The following CDC123 variants were observed in gnomAD, a reference collection of about 807,000 sequenced individuals.
The protein encoded by CDC123 is cell division cycle 123, also known as translation initiation factor eIF2 assembly protein.
In CDC123, 37 loss-of-function variants were observed where a neutral mutation model predicts 54.4. That is an observed-to-expected ratio of 0.68 (90% confidence interval 0.52 to 0.89). CDC123 has a LOEUF of 0.89. Among genes scored for constraint, CDC123 ranks in the 40% least tolerant of loss-of-function variants. The pLI is 0.00. For synonymous variants in CDC123, 144 were observed against 136.8 expected (o/e 1.05, Z -0.37); for missense variants, 361 against 412.1 (o/e 0.88, Z 1.07).
rs142524525 is a variant in CDC123, at chr10:12,198,322, A to G, written c.75-383A>G. 2.5e-3 allele frequency among the ~76,000 whole-genome samples: 385 copies of G among 152,324 alleles called. 2 individuals are homozygous for G. Among genetic ancestry groups the G allele is most frequent in the African/African-American group, 9.0e-3 (376 of 41,568 alleles). On this transcript the variant is annotated intron_variant, in intron 1 of 12. Coordinates refer to ENST00000281141, the MANE Select transcript of CDC123 (RefSeq NM_006023.3). ...TGCCCTCTATCTTTAGAAGGTGACC[A>G]AATGCTAGTCATCTTCTAGTTGGGT...
chr10:12,223,682 T>G (rs1835766770), intron 6 of CDC123, among the ~76,000 whole-genome samples: 1 of 152,220 alleles, frequency 6.6e-6, no homozygotes, highest in Non-Finnish European at 1.5e-5. Context: ...GCCATTTGGC[T>G]GGCAGAAAAG....
At chr10:12,229,518 C>G (rs1835870869) in intron 6 of CDC123, among the ~76,000 whole-genome samples, 1 of 152,212 alleles carries the variant, frequency 6.6e-6, no homozygotes, top group Admixed American at 6.5e-5. Flanking sequence ...TAGCACGTTT[C>G]TCCGTGCTTT....
At chr10:12,241,121 G>C (rs1326849785) in intron 10 of CDC123, among the ~76,000 whole-genome samples, 1 of 151,942 alleles carries the variant, frequency 6.6e-6, no homozygotes, top group Non-Finnish European at 1.5e-5. Context: ...GGGTTTCGTA[G>C]AGAAATGATG....
intron 5 of CDC123, among the ~76,000 whole-genome samples, chr10:12,216,174 A>G (rs1045096304): frequency 6.6e-6 from 1 of 152,242 alleles, no homozygotes; most frequent in African/African-American, 2.4e-5. Context: ...ATAAAAATAA[A>G]AAAAGTAATA....
At chr10:12,218,846 C>T (rs1452237655) in intron 6 of CDC123, among the ~76,000 whole-genome samples, 2 of 152,226 alleles carry the variant, frequency 1.3e-5, no homozygotes, top group African/African-American at 4.8e-5. Context: ...GGACGGAATA[C>T]CTGCCCTGCT....
At chr10:12,229,742 C>T (rs1406251181) in intron 6 of CDC123, among the ~76,000 whole-genome samples, 2 of 152,212 alleles carry the variant, frequency 1.3e-5, no homozygotes, top group African/African-American at 2.4e-5. Flanking sequence ...CATAGATGGG[C>T]ATTTAATAAG....
chr10:12,222,358 G>A (rs937402963), intron 6 of CDC123, among the ~76,000 whole-genome samples: 5 of 152,162 alleles, frequency 3.3e-5, no homozygotes, highest in African/African-American at 9.7e-5. Context: ...GGTGGCTCAC[G>A]CCTGTAATCC....
intron 2 of CDC123, among the ~76,000 whole-genome samples, chr10:12,206,021 T>G (rs1835514670): frequency 6.6e-6 from 1 of 152,196 alleles, no homozygotes; most frequent in African/African-American, 2.4e-5. Context: ...AGGCTAGTCT[T>G]GAACTCCTGA....
chr10:12,238,533 A>G (rs1836009219), intron 10 of CDC123, 48 bp downstream of exon 10: 1 of 1,592,988 alleles, frequency 6.3e-7, no homozygotes, highest in South Asian at 1.1e-5. Flanking sequence ...AGCTGGTTTT[A>G]TAAGCAGGCA....
At chr10:12,202,533 C>T (rs1196552432) in intron 2 of CDC123, among the ~76,000 whole-genome samples, 1 of 152,124 alleles carries the variant, frequency 6.6e-6, no homozygotes, top group Admixed American at 6.6e-5. Context: ...CATCAGATCC[C>T]ACAGGTTGAG....
intron 6 of CDC123, among the ~76,000 whole-genome samples, chr10:12,220,539 G>A (rs1243504280): frequency 2.6e-5 from 4 of 152,254 alleles, no homozygotes; most frequent in South Asian, 4.1e-4. Context: ...CGCTACTAAC[G>A]TGTCACTTTG....
chr10:12,202,831 A>G (rs1835458564), intron 2 of CDC123, among the ~76,000 whole-genome samples: 1 of 152,222 alleles, frequency 6.6e-6, no homozygotes, highest in Non-Finnish European at 1.5e-5. Flanking sequence ...CTTGGCCAAC[A>G]TGGCGAAACC....
intron 2 of CDC123, among the ~76,000 whole-genome samples, chr10:12,207,339 C>G (rs1041946364): frequency 6.6e-6 from 1 of 152,132 alleles, no homozygotes; most frequent in Non-Finnish European, 1.5e-5. Context: ...TTTATAGCCT[C>G]CTGTTCTTCC....
At chr10:12,217,515 A>G (rs1321161622) in intron 6 of CDC123, 48 bp downstream of exon 6, 12 of 1,582,544 alleles carry the variant, frequency 7.6e-6, no homozygotes, top group Admixed American at 1.7e-5. Context: ...TATTTGTGCA[A>G]ATTTCTCTAT....
intron 1 of CDC123, among the ~76,000 whole-genome samples, chr10:12,196,768 G>T (rs1041550059): frequency 3.9e-5 from 6 of 152,164 alleles, no homozygotes; most frequent in Non-Finnish European, 8.8e-5. Context: ...AGTTAATGAC[G>T]ATATACGTAT....
Position 12,196,296 on chromosome 10 carries a change from C to T in CDC123, c.51C>T (p.Phe17=), listed in dbSNP as rs1276926361. ...LHCQFSAWYP[F]FRGVTIKSVI... ...GCCAGTTCTCCGCGTGGTACCCGTT[C>T]TTCCGAGGCGTTACCATCAAGAGGT... The change falls in exon 1 of 13, where the codon TTC becomes TTT. Residue 17 remains phenylalanine, a synonymous_variant. Coordinates refer to ENST00000281141, the MANE Select transcript of CDC123 (RefSeq NM_006023.3). 1.9e-6 allele frequency: 3 copies of T among 1,613,632 alleles called. No individual in the cohort carries two copies. The highest frequency in any genetic ancestry group is 2.7e-5 in the African/African-American group (2 of 74,896).
chr10:12,237,367 CTGTAT>C, intron 9 of CDC123, 101 bp downstream of exon 9: 1 of 946,900 alleles, frequency 1.1e-6, no homozygotes, highest in Non-Finnish European at 1.4e-6. Flanking sequence ...ATTTGAAATA[CTGTAT>C]TGTAAGCATT....
chr10:12,234,144 G>A (rs1025739111), intron 7 of CDC123, among the ~76,000 whole-genome samples: 16 of 152,240 alleles, frequency 1.1e-4, no homozygotes, highest in African/African-American at 3.4e-4. Flanking sequence ...CCAGGCTGGA[G>A]TGCAGTGTGG....
At chr10:12,239,408 CTTGAT>C (rs1200487979) in intron 10 of CDC123, among the ~76,000 whole-genome samples, 2 of 152,148 alleles carry the variant, frequency 1.3e-5, no homozygotes, top group African/African-American at 4.8e-5. Context: ...GAGTTTGTCA[CTTGAT>C]ATTTATATAA....
Sources: allele counts gnomAD v4.1 joint callset (sites outside exome capture counted in the v4.1 genomes callset), GRCh38; gene constraint gnomAD v4.1.1; transcripts MANE v1.5; gene names NCBI Gene and HGNC (gene_info 2026-07-23, HGNC 2026-07-21).